Variants in SHISA9 observed in about 807,000 individuals in gnomAD.
SHISA9 encodes the protein protein shisa-9.
SHISA9 carries 13 observed loss-of-function variants against 38.0 expected under a neutral mutation model. The ratio of observed to expected loss-of-function variants is 0.34; its 90% confidence interval spans 0.22 to 0.54. The LOEUF (loss-of-function observed/expected upper bound fraction) is 0.54, where lower values mean the gene tolerates loss of function less well. Among genes scored for constraint, SHISA9 ranks in the 20% least tolerant of loss-of-function variants. The pLI, the probability that SHISA9 is intolerant of heterozygous loss-of-function variation, is 0.91. For synonymous variants in SHISA9, 275 were observed against 242.0 expected (o/e 1.14, Z -1.27); for missense variants, 538 against 575.8 (o/e 0.93, Z 0.67).
intron 2 of SHISA9, among the ~76,000 whole-genome samples, chr16:13,188,873 A>G (rs2050855712): frequency 7.2e-6 from 1 of 139,406 alleles, no homozygotes; most frequent in African/African-American, 2.8e-5. Context: ...ACTTAACTGC[A>G]GATGCAATTA....
At chr16:13,027,876 G>A (rs1425617668) in intron 2 of SHISA9, among the ~76,000 whole-genome samples, 7 of 136,758 alleles carry the variant, frequency 5.1e-5, no homozygotes, top group Non-Finnish European at 9.1e-5. Flanking sequence ...GTAGTGAGCC[G>A]AGACCACGCC....
intron 2 of SHISA9, among the ~76,000 whole-genome samples, chr16:13,014,966 C>T (rs1471288370): frequency 6.6e-6 from 1 of 152,228 alleles, no homozygotes; most frequent in African/African-American, 2.4e-5. Context: ...ACTCAATGTC[C>T]AGCAGAGGGT....
the SHISA9 span, among the ~76,000 whole-genome samples, chr16:13,389,487 C>G: frequency 6.6e-6 from 1 of 152,156 alleles, no homozygotes; most frequent in African/African-American, 2.4e-5. Flanking sequence ...AAATATTATG[C>G]TGTACATCTT....
chr16:13,548,298 G>A, the SHISA9 span, among the ~76,000 whole-genome samples: 1 of 152,120 alleles, frequency 6.6e-6, no homozygotes, highest in African/African-American at 2.4e-5. Context: ...ACGTTGGTCT[G>A]GGCCAGGATA....
At chr16:13,440,128 A>G in the SHISA9 span, among the ~76,000 whole-genome samples, 264 of 152,282 alleles carry the variant, frequency 1.7e-3, no homozygotes, top group African/African-American at 6.0e-3. Context: ...CACGCAGTCA[A>G]ATGCCCCCAC....
At chr16:13,362,192 T>A in the SHISA9 span, among the ~76,000 whole-genome samples, 1 of 146,200 alleles carries the variant, frequency 6.8e-6, no homozygotes, top group African/African-American at 2.5e-5. Context: ...AGCAAGACCT[T>A]GTCTCTACTA....
the SHISA9 span, among the ~76,000 whole-genome samples, chr16:13,498,324 T>C: frequency 6.6e-6 from 1 of 152,218 alleles, no homozygotes; most frequent in Non-Finnish European, 1.5e-5. Flanking sequence ...ATGCTAGTAG[T>C]GTAAAGACAG....
the SHISA9 span, among the ~76,000 whole-genome samples, chr16:13,479,166 C>G: frequency 2.6e-5 from 4 of 152,150 alleles, no homozygotes; most frequent in African/African-American, 4.8e-5. Flanking sequence ...TTTCCTTTGT[C>G]TCGTCCCTTT....
the SHISA9 span, among the ~76,000 whole-genome samples, chr16:13,262,793 G>C: frequency 6.6e-6 from 1 of 152,116 alleles, no homozygotes; most frequent in African/African-American, 2.4e-5. Context: ...CCAGCATGAA[G>C]TATGGTTTTT....
the SHISA9 span, among the ~76,000 whole-genome samples, chr16:13,442,696 A>T: frequency 6.6e-6 from 1 of 152,158 alleles, no homozygotes; most frequent in African/African-American, 2.4e-5. Context: ...ACTTATGCCT[A>T]TAATCTCAGC....
At chr16:13,539,358 T>TATATATATATATATATATATAA in the SHISA9 span, among the ~76,000 whole-genome samples, 1 of 65,362 alleles carries the variant, frequency 1.5e-5, no homozygotes, top group African/African-American at 5.3e-5. Flanking sequence ...TATATATATA[T>TATATATATATATATATATATAA]AAAGACAGGA....
intron 1 of SHISA9, among the ~76,000 whole-genome samples, chr16:12,915,219 G>C (rs2071238656): frequency 6.6e-6 from 1 of 152,226 alleles, no homozygotes; most frequent in African/African-American, 2.4e-5. Flanking sequence ...CCAACACTTT[G>C]AGAGGTGGAG....
At chr16:13,066,280 G>A (rs1208977482) in intron 2 of SHISA9, among the ~76,000 whole-genome samples, 2 of 152,108 alleles carry the variant, frequency 1.3e-5, no homozygotes, top group African/African-American at 2.4e-5. Context: ...CCAGCTCTAG[G>A]GACTTAGGGG....
chr16:12,976,431 C>T (rs1053877834), intron 2 of SHISA9, among the ~76,000 whole-genome samples: 1 of 152,036 alleles, frequency 6.6e-6, no homozygotes, highest in Non-Finnish European at 1.5e-5. Context: ...TTTGGATTTT[C>T]TTCTGTTCTT....
chr16:13,108,776 A>C (rs1184326854), intron 2 of SHISA9, among the ~76,000 whole-genome samples: 1 of 152,230 alleles, frequency 6.6e-6, no homozygotes, highest in South Asian at 2.1e-4. Context: ...TATTTATTTA[A>C]GAATTTTTAA....
chr16:13,369,590 A>T, the SHISA9 span, among the ~76,000 whole-genome samples: 1 of 151,658 alleles, frequency 6.6e-6, no homozygotes, highest in Non-Finnish European at 1.5e-5. Flanking sequence ...CAGAGGATGC[A>T]GCCAAGACTA....
the SHISA9 span, among the ~76,000 whole-genome samples, chr16:13,333,671 G>T: frequency 6.6e-6 from 1 of 152,148 alleles, no homozygotes; most frequent in East Asian, 1.9e-4. Flanking sequence ...GAATGAAGGA[G>T]ATCAGTAGAG....
At chr16:13,173,719 A>C (rs573759452) in intron 2 of SHISA9, among the ~76,000 whole-genome samples, 11 of 152,278 alleles carry the variant, frequency 7.2e-5, no homozygotes, top group African/African-American at 2.4e-4. Flanking sequence ...CCAAGATGTC[A>C]ATTGTGCCGA....
chr16:13,408,405 C>T, the SHISA9 span, among the ~76,000 whole-genome samples: 1 of 152,056 alleles, frequency 6.6e-6, no homozygotes, highest in African/African-American at 2.4e-5. Flanking sequence ...TAATAATTGA[C>T]TAATAAAATA....
Sources: allele counts gnomAD v4.1 joint callset (sites outside exome capture counted in the v4.1 genomes callset), GRCh38; gene constraint gnomAD v4.1.1; transcripts MANE v1.5; gene names NCBI Gene and HGNC (gene_info 2026-07-23, HGNC 2026-07-21).